ESR1: variants seen among roughly 807,000 people sequenced by gnomAD.
ESR1 encodes estrogen receptor 1.
A neutral mutation model predicts 52.7 loss-of-function variants in ESR1; 12 were observed. That is an observed-to-expected ratio of 0.23 (90% confidence interval 0.15 to 0.37). ESR1 has a LOEUF of 0.37. Ranked by LOEUF, ESR1 falls within the 10% of genes least tolerant of loss-of-function variation. The pLI is 1.00. For missense variants in ESR1, 584 were observed against 779.7 expected (o/e 0.75, Z 2.99); for synonymous variants, 305 against 316.8 (o/e 0.96, Z 0.39).
At chr6:151,999,136 A>G (rs2041744784) in intron 4 of ESR1, among the ~76,000 whole-genome samples, 1 of 152,116 alleles carries the variant, frequency 6.6e-6, no homozygotes, top group Admixed American at 6.6e-5. Context: ...GGGATTTGAA[A>G]GGCAAGAAAC....
chr6:151,899,307 C>T (rs1796158973), intron 3 of ESR1, among the ~76,000 whole-genome samples: 3 of 134,736 alleles, frequency 2.2e-5, no homozygotes, highest in East Asian at 2.4e-4. Flanking sequence ...GGGGCTGACC[C>T]CCCCACCTCC....
chr6:151,888,971 A>G (rs1794294877), intron 3 of ESR1, among the ~76,000 whole-genome samples: 1 of 152,152 alleles, frequency 6.6e-6, no homozygotes, highest in Non-Finnish European at 1.5e-5. Flanking sequence ...TACCATAGTT[A>G]TAGATTTGCA....
At chr6:151,749,793 G>A (rs1361024) in intron 2 of ESR1, among the ~76,000 whole-genome samples, 13,856 of 152,102 alleles carry the variant, frequency 0.091, 723 homozygotes, top group African/African-American at 0.13. Flanking sequence ...TTTTAGCTCC[G>A]TGGGGGAAAA....
At chr6:151,670,672 C>T (rs141000874) in intron 1 of ESR1, among the ~76,000 whole-genome samples, 10 of 152,212 alleles carry the variant, frequency 6.6e-5, no homozygotes, top group Non-Finnish European at 1.3e-4. Context: ...CAGCCTCCAC[C>T]TCCCGGAATC....
intron 1 of ESR1, among the ~76,000 whole-genome samples, chr6:151,672,447 C>T (rs1327699940): frequency 6.6e-6 from 1 of 152,044 alleles, no homozygotes; most frequent in African/African-American, 2.4e-5. Flanking sequence ...AGCGATTCTC[C>T]TGCCTCAGCC....
intron 5 of ESR1, among the ~76,000 whole-genome samples, chr6:152,012,100 CCATCTT>C (rs2042827923): frequency 6.6e-6 from 1 of 151,516 alleles, no homozygotes; most frequent in Admixed American, 6.6e-5. Context: ...TTTTCTAACT[CCATCTT>C]CAACTTGTAT....
intron 4 of ESR1, among the ~76,000 whole-genome samples, chr6:151,956,901 G>A (rs1321302106): frequency 1.4e-5 from 2 of 143,074 alleles, no homozygotes; most frequent in African/African-American, 2.6e-5. Context: ...TTTTGAGATG[G>A]AGTCTCACTC....
chr6:151,968,518 A>G (rs138219930), intron 4 of ESR1, among the ~76,000 whole-genome samples: 4,389 of 152,250 alleles, frequency 0.029, 114 homozygotes, highest in East Asian at 0.11. Context: ...TTTGCAATCT[A>G]TCCGTCTGAC....
intron 6 of ESR1, among the ~76,000 whole-genome samples, chr6:152,112,368 TTCAAG>T (rs1295538951): frequency 2.6e-5 from 4 of 152,294 alleles, no homozygotes; most frequent in Non-Finnish European, 5.9e-5. Flanking sequence ...TGTATCTCAT[TTCAAG>T]TCAAGTGTCC....
intron 4 of ESR1, among the ~76,000 whole-genome samples, chr6:151,973,580 T>C (rs1000917844): frequency 2.0e-5 from 3 of 152,166 alleles, no homozygotes; most frequent in Non-Finnish European, 4.4e-5. Flanking sequence ...TCTACTATGC[T>C]CCCAGTACCA....
chr6:152,077,591 G>A (rs1340012382), intron 6 of ESR1, among the ~76,000 whole-genome samples: 1 of 152,224 alleles, frequency 6.6e-6, no homozygotes, highest in Non-Finnish European at 1.5e-5. Flanking sequence ...AGTCAGGGTT[G>A]GAGGTGGTGG....
chr6:152,000,688 A>C (rs2041878102), intron 4 of ESR1, among the ~76,000 whole-genome samples: 1 of 151,842 alleles, frequency 6.6e-6, no homozygotes, highest in Non-Finnish European at 1.5e-5. Flanking sequence ...AAGAAAAGAC[A>C]CCTCCTTCTC....
Position 151,819,842 on chromosome 6 carries a change from A to T in ESR1, c.452+11478A>T, listed in dbSNP as rs1583461175. ...GGAACTGGTGCCAAAAATGTTGGGG[A>T]CCACTCTTATAAGGCATATTAGAGT... On this transcript the variant is annotated intron_variant, in intron 1 of 7. Coordinates refer to ENST00000206249, the MANE Select transcript of ESR1 (RefSeq NM_000125.4). 2.6e-5 allele frequency among the ~76,000 whole-genome samples: 4 copies of T among 152,308 alleles called. No individual in the cohort carries two copies. The Middle Eastern group carries it at 0.01, about 389-fold the overall frequency.
chr6:151,847,019 C>T (rs1054767609), intron 2 of ESR1, among the ~76,000 whole-genome samples: 5 of 152,190 alleles, frequency 3.3e-5, no homozygotes, highest in African/African-American at 9.6e-5. Flanking sequence ...TACCTATACA[C>T]CACTAGCTAT....
exon 7 of ESR1, chr6:152,128,285 T>A (rs2054225715): frequency 6.6e-6 from 1 of 152,252 alleles, no homozygotes; most frequent in Non-Finnish European, 1.5e-5. Flanking sequence ...TTATTATGAA[T>A]GTATGCACAG....
intron 4 of ESR1, among the ~76,000 whole-genome samples, chr6:151,998,562 G>A (rs1010917933): frequency 6.6e-6 from 1 of 152,004 alleles, no homozygotes; most frequent in African/African-American, 2.4e-5. Flanking sequence ...GTATCTTCTA[G>A]AACTGGGGAA....
exon 7 of ESR1, chr6:152,125,355 T>A: frequency 3.2e-6 from 5 of 1,550,048 alleles, no homozygotes; most frequent in Non-Finnish European, 4.4e-6. Flanking sequence ...CTAAAGCCTC[T>A]GGTCATAAGG....
At chr6:151,906,403 A>G (rs909413544) in intron 3 of ESR1, among the ~76,000 whole-genome samples, 7 of 152,130 alleles carry the variant, frequency 4.6e-5, no homozygotes, top group East Asian at 1.9e-4. Context: ...TGAGAAATAC[A>G]TAATTACCCT....
In ESR1 at chr6:151,829,344, C is replaced by T. The variant is rs991222685; in HGVS notation, c.453-13253C>T. Among the ~76,000 whole-genome samples the T allele has an allele frequency of 4.3e-4, 66 of 152,194 alleles. 1 individual carries two copies. Among genetic ancestry groups the T allele is most frequent in the Non-Finnish European group, 4.7e-4 (32 of 68,046 alleles). ...TCAGATATACAGAAGTGTTTCTCCC[C>T]TTTTCTCTGTCTCTCTTTTCCTTCC... On this transcript the variant is annotated intron_variant, in intron 1 of 7. Coordinates refer to ENST00000206249, the MANE Select transcript of ESR1 (RefSeq NM_000125.4).
Sources: gnomAD v4.1 joint callset for allele counts (sites outside exome capture counted in the v4.1 genomes callset) on GRCh38, gnomAD v4.1.1 for gene constraint, MANE v1.5 for transcripts, NCBI Gene and HGNC (gene_info 2026-07-23, HGNC 2026-07-21) for gene names.